The following GRID2 variants were observed in gnomAD, a reference collection of about 807,000 sequenced individuals.
The protein encoded by GRID2 is glutamate receptor ionotropic, delta-2.
Under a neutral mutation model 114.8 loss-of-function variants are expected in GRID2, and 33 were observed. That is an observed-to-expected ratio of 0.29 (90% CI 0.22 to 0.38). GRID2 has a LOEUF of 0.38. Among genes scored for constraint, GRID2 ranks in the 10% least tolerant of loss-of-function variants. The probability of loss-of-function intolerance (pLI) is 1.00; values close to 1 mark genes in which losing one functional copy is unlikely to be tolerated. For missense variants in GRID2, 1,184 were observed against 1,257.7 expected (o/e 0.94, Z 0.89); for synonymous variants, 505 against 449.9 (o/e 1.12, Z -1.55).
At chr4:93,643,912 C>T (rs1309920930) in intron 14 of GRID2, among the ~76,000 whole-genome samples, 2 of 103,052 alleles carry the variant, frequency 1.9e-5, no homozygotes, top group Non-Finnish European at 3.8e-5. Flanking sequence ...CTCCCCCAGC[C>T]TAGTTGCCGC....
chr4:92,568,895 A>G (rs148235168), intron 1 of GRID2, among the ~76,000 whole-genome samples: 2,151 of 152,176 alleles, frequency 0.014, 25 homozygotes, highest in Non-Finnish European at 0.023. Context: ...CCTGCAAATA[A>G]TATGATCTTG....
intron 14 of GRID2, among the ~76,000 whole-genome samples, chr4:93,767,297 G>A (rs1185883414): frequency 6.6e-6 from 1 of 152,086 alleles, no homozygotes; most frequent in Non-Finnish European, 1.5e-5. Context: ...TTCTTACAGA[G>A]GTCTTGTAGG....
chr4:93,710,982 C>T (rs1474290833), intron 14 of GRID2, among the ~76,000 whole-genome samples: 1 of 151,952 alleles, frequency 6.6e-6, no homozygotes, highest in Admixed American at 6.6e-5. Context: ...TTCAGAGAAG[C>T]AGGTTCCCTT....
intron 8 of GRID2, among the ~76,000 whole-genome samples, chr4:93,258,471 C>A (rs1749869144): frequency 6.6e-6 from 1 of 151,310 alleles, no homozygotes; most frequent in African/African-American, 2.4e-5. Flanking sequence ...AAAGTTATAT[C>A]AATATTACTT....
chr4:92,661,703 CTAGA>C (rs1484080513), intron 2 of GRID2, among the ~76,000 whole-genome samples: 2 of 150,618 alleles, frequency 1.3e-5, no homozygotes. Context: ...TTATTGATAA[CTAGA>C]TAATTTTTCT....
intron 2 of GRID2, among the ~76,000 whole-genome samples, chr4:92,646,227 A>T (rs1731614845): frequency 6.6e-6 from 1 of 152,172 alleles, no homozygotes; most frequent in Non-Finnish European, 1.5e-5. Context: ...TGTGCCACTC[A>T]GCTATCTTCT....
At chr4:92,415,643 T>C (rs1457815492) in intron 1 of GRID2, among the ~76,000 whole-genome samples, 3 of 150,690 alleles carry the variant, frequency 2.0e-5, no homozygotes, top group Non-Finnish European at 4.4e-5. Context: ...CAAATGTCAC[T>C]ATTTCATTCC....
intron 3 of GRID2, among the ~76,000 whole-genome samples, chr4:93,097,135 G>T (rs908585517): frequency 4.0e-5 from 6 of 151,882 alleles, no homozygotes; most frequent in African/African-American, 1.2e-4. Flanking sequence ...ATGTGTCTGG[G>T]GTAGATTGTC....
At chr4:93,328,771 G>A (rs1477994519) in intron 8 of GRID2, among the ~76,000 whole-genome samples, 2 of 151,936 alleles carry the variant, frequency 1.3e-5, no homozygotes, top group Non-Finnish European at 2.9e-5. Flanking sequence ...CTCAGGTGGA[G>A]CTGCTCAGGA....
At chr4:92,925,235 AC>A (rs1487907681) in intron 2 of GRID2, among the ~76,000 whole-genome samples, 5 of 151,618 alleles carry the variant, frequency 3.3e-5, no homozygotes, top group Non-Finnish European at 7.4e-5. Flanking sequence ...CTCTCCTTTC[AC>A]CCCCACCATG....
intron 8 of GRID2, among the ~76,000 whole-genome samples, chr4:93,239,542 G>T (rs1267990532): frequency 1.3e-5 from 2 of 151,320 alleles, no homozygotes; most frequent in South Asian, 4.1e-4. Context: ...GGAGTAATTA[G>T]CAATACAAAT....
At chr4:92,341,251 C>T (rs1041653474) in intron 1 of GRID2, among the ~76,000 whole-genome samples, 1 of 152,000 alleles carries the variant, frequency 6.6e-6, no homozygotes, top group Non-Finnish European at 1.5e-5. Context: ...CAGTTTTGCA[C>T]CTTTATTACT....
At chr4:92,383,217 T>G (rs1285378659) in intron 1 of GRID2, among the ~76,000 whole-genome samples, 3 of 151,884 alleles carry the variant, frequency 2.0e-5, no homozygotes, top group Admixed American at 1.3e-4. Flanking sequence ...CCTCCAACAC[T>G]GAGTATTACA....
At chr4:92,540,714 C>A (rs1473632176) in intron 1 of GRID2, among the ~76,000 whole-genome samples, 12 of 152,132 alleles carry the variant, frequency 7.9e-5, no homozygotes, top group Non-Finnish European at 1.5e-5. Context: ...ACTAGTTCAA[C>A]CATTGTGGAA....
chr4:92,680,466 G>A (rs1270270964), intron 2 of GRID2, among the ~76,000 whole-genome samples: 1 of 152,046 alleles, frequency 6.6e-6, no homozygotes, highest in Non-Finnish European at 1.5e-5. Context: ...ACACAAAGTA[G>A]AAAATGATAT....
intron 2 of GRID2, among the ~76,000 whole-genome samples, chr4:92,847,582 TG>T (rs1412456976): frequency 1.3e-5 from 2 of 152,124 alleles, no homozygotes; most frequent in African/African-American, 2.4e-5. Context: ...CATAAAGAGA[TG>T]TCTTCTACTT....
intron 1 of GRID2, among the ~76,000 whole-genome samples, chr4:92,455,800 A>G (rs1475446617): frequency 2.0e-5 from 3 of 152,168 alleles, no homozygotes; most frequent in South Asian, 2.1e-4. Flanking sequence ...GGCAGTGCCT[A>G]ATAAAGTTTA....
rs193081649 is a variant in GRID2, at chr4:92,707,425, C to A, written c.244+117139C>A. Reference sequence around the variant, plus strand: ...CATAATAGATTCTCTTCAAGCAGTTCAAATACAAATATATTAAATGCCTCA... The same window carrying A: ...CATAATAGATTCTCTTCAAGCAGTTAAAATACAAATATATTAAATGCCTCA... On this transcript the variant is annotated intron_variant, in intron 2 of 15. Transcript: ENST00000282020. 1.3e-3 allele frequency among the ~76,000 whole-genome samples: 193 copies of A among 152,214 alleles called. 2 individuals carry two copies. The highest frequency in any genetic ancestry group is 4.5e-3 in the African/African-American group (186 of 41,540).
Position 92,906,071 on chromosome 4 carries a change from G to A in GRID2, c.245-178924G>A, listed in dbSNP as rs1747931478. ...CTAGTCTTACACTGAGAGGTGAATA[G>A]TTTATGTTTGGTACAGATTAGCTAC... On this transcript the variant is annotated intron_variant, in intron 2 of 15. Coordinates refer to ENST00000282020, the MANE Select transcript of GRID2 (RefSeq NM_001510.4). Among the ~76,000 whole-genome samples, 3 of 152,126 alleles carry A rather than the reference G, an allele frequency of 2.0e-5. No homozygotes were observed. The South Asian group carries it at 6.2e-4, about 31-fold the overall frequency.
Sources: allele counts gnomAD v4.1 joint callset (sites outside exome capture counted in the v4.1 genomes callset), GRCh38; gene constraint gnomAD v4.1.1; transcripts MANE v1.5; gene names NCBI Gene and HGNC (gene_info 2026-07-23, HGNC 2026-07-21).